PLCE1: variants seen among roughly 807,000 people sequenced by gnomAD.
The protein encoded by PLCE1 is phospholipase C epsilon 1, also known as 1-phosphatidylinositol 4,5-bisphosphate phosphodiesterase epsilon-1.
In PLCE1, 119 loss-of-function variants were observed where a neutral mutation model predicts 242.8. The observed-to-expected ratio is 0.49, with a 90% CI of 0.42 to 0.57. The LOEUF (loss-of-function observed/expected upper bound fraction) is 0.57. PLCE1 is among the 20% of genes least tolerant of loss of function. The pLI is 0.00. For missense variants in PLCE1, 2,441 were observed against 2,788.8 expected (o/e 0.88, Z 2.81); for synonymous variants, 945 against 1,017.4 (o/e 0.93, Z 1.35).
intron 3 of PLCE1, among the ~76,000 whole-genome samples, chr10:94,159,464 CTCTT>C (rs1325154579): frequency 6.6e-6 from 1 of 152,060 alleles, no homozygotes; most frequent in Admixed American, 6.5e-5. Flanking sequence ...CTCTCTCTCT[CTCTT>C]ATTTTATATA....
chr10:94,141,763 C>G (rs2136018367), intron 3 of PLCE1, among the ~76,000 whole-genome samples: 1 of 152,014 alleles, frequency 6.6e-6, no homozygotes, highest in South Asian at 2.1e-4. Flanking sequence ...TGGTTAAATC[C>G]TAATCAATGC....
At chr10:94,280,181 A>G in intron 20 of PLCE1, 1 of 492,158 alleles carries the variant, frequency 2.0e-6, no homozygotes. Flanking sequence ...GAATTGCAGC[A>G]GAGAAACCCT....
chr10:94,140,218 C>A (rs1032169699), intron 3 of PLCE1, among the ~76,000 whole-genome samples: 1 of 151,870 alleles, frequency 6.6e-6, no homozygotes, highest in African/African-American at 2.4e-5. Context: ...AACAAAAATA[C>A]CTTACAGATA....
intron 3 of PLCE1, among the ~76,000 whole-genome samples, chr10:94,162,893 C>T (rs1325621435): frequency 6.6e-6 from 1 of 152,160 alleles, no homozygotes; most frequent in Non-Finnish European, 1.5e-5. Context: ...ATCTTTATTT[C>T]TGCCTTCATT....
chr10:94,156,278 G>A (rs986058588), intron 3 of PLCE1, among the ~76,000 whole-genome samples: 1 of 152,118 alleles, frequency 6.6e-6, no homozygotes, highest in African/African-American at 2.4e-5. Flanking sequence ...AGACACCACG[G>A]GTTAAGTAGG....
intron 3 of PLCE1, among the ~76,000 whole-genome samples, chr10:94,145,780 C>T (rs538067261): frequency 1.3e-5 from 2 of 152,152 alleles, no homozygotes; most frequent in African/African-American, 2.4e-5. Flanking sequence ...GAGATTCACA[C>T]AAGCTTTGGG....
chr10:94,296,388 C>A (rs2052817780), intron 23 of PLCE1, among the ~76,000 whole-genome samples: 1 of 147,604 alleles, frequency 6.8e-6, no homozygotes, highest in Non-Finnish European at 1.5e-5. Context: ...AAAAAAAATT[C>A]TGTTGTTTAA....
intron 4 of PLCE1, among the ~76,000 whole-genome samples, chr10:94,189,896 C>T (rs564527867): frequency 2.0e-5 from 3 of 152,302 alleles, no homozygotes; most frequent in African/African-American, 7.2e-5. Context: ...AATCCTAACC[C>T]TGTTACTTAT....
chr10:94,018,950 T>C (rs2061328371), intron 1 of PLCE1, among the ~76,000 whole-genome samples: 1 of 152,176 alleles, frequency 6.6e-6, no homozygotes, highest in African/African-American at 2.4e-5. Context: ...ATTATAGTGC[T>C]GAAGGGGTGA....
intron 8 of PLCE1, among the ~76,000 whole-genome samples, chr10:94,246,843 G>C (rs2050700541): frequency 6.6e-6 from 1 of 152,164 alleles, no homozygotes; most frequent in Admixed American, 6.5e-5. Flanking sequence ...TTGAGGCTGT[G>C]GCTCACGCCT....
chr10:94,252,997 T>A (rs904546360), intron 9 of PLCE1, among the ~76,000 whole-genome samples: 7 of 152,124 alleles, frequency 4.6e-5, no homozygotes, highest in Non-Finnish European at 7.3e-5. Context: ...AAGGAAGGGC[T>A]AGAAGAGAAC....
intron 2 of PLCE1, among the ~76,000 whole-genome samples, chr10:94,035,096 A>G (rs1203898501): frequency 6.6e-6 from 1 of 152,172 alleles, no homozygotes; most frequent in African/African-American, 2.4e-5. Context: ...GCTCAGCACT[A>G]GATGACTTGC....
At position 94,262,487 on chromosome 10, in the gene PLCE1, G is replaced by A. The variant is rs1230501773; in HGVS notation, c.3815-7G>A. 4 of 1,579,976 alleles carry A rather than the reference G, an allele frequency of 2.5e-6. No individual in the cohort carries two copies. The highest frequency in any genetic ancestry group is 3.5e-6 in the Non-Finnish European group (4 of 1,149,104). Reference sequence around the variant, plus strand: ...CTTGTCCATGTACTGTGGTGATTCTGTTTCAGATCTGTTGACCAGAAATGT... The same window carrying A: ...CTTGTCCATGTACTGTGGTGATTCTATTTCAGATCTGTTGACCAGAAATGT... On this transcript the variant is annotated splice_polypyrimidine_tract_variant and splice_region_variant and intron_variant, in intron 13 of 32. Coordinates refer to ENST00000371380, the MANE Select transcript of PLCE1 (RefSeq NM_016341.4).
At chr10:94,185,646 GA>G (rs2048454428) in intron 4 of PLCE1, among the ~76,000 whole-genome samples, 1 of 152,196 alleles carries the variant, frequency 6.6e-6, no homozygotes, top group Non-Finnish European at 1.5e-5. Context: ...TGGTTATGGG[GA>G]CACTTAAACA....
intron 18 of PLCE1, among the ~76,000 whole-genome samples, chr10:94,271,245 T>C (rs113895148): frequency 0.021 from 3,233 of 151,500 alleles, 139 homozygotes; most frequent in African/African-American, 0.074. Flanking sequence ...CTGTCAGTTG[T>C]ATGTGGAAAA....
At chr10:94,088,775 T>A (rs1234349018) in intron 2 of PLCE1, among the ~76,000 whole-genome samples, 3 of 152,216 alleles carry the variant, frequency 2.0e-5, no homozygotes, top group Admixed American at 6.5e-5. Flanking sequence ...CCCTTTTTTT[T>A]AAACTTGACT....
chr10:94,283,526 A>G lies in PLCE1; in HGVS notation c.4796-264A>G, dbSNP rs1049915245. The G allele has an allele frequency of 2.7e-5, 10 of 365,570 alleles. No individual in the cohort carries two copies. The East Asian group carries it at 6.1e-4, about 22-fold the overall frequency. 22.6% of individuals were successfully genotyped at this position (365,570 alleles called of 1,614,324 possible). On this transcript the variant is annotated intron_variant, in intron 20 of 32. Transcript: ENST00000371380. Reference sequence around the variant, plus strand: ...GCATCTTCATTTAGATTATGTCTATATGCCAGATTATTTTGAATCATTTAA... The same window carrying G: ...GCATCTTCATTTAGATTATGTCTATGTGCCAGATTATTTTGAATCATTTAA...
chr10:94,316,513 C>G, intron 28 of PLCE1, 34 bp from the exon 29 acceptor site: 1 of 1,421,180 alleles, frequency 7.0e-7, no homozygotes, highest in Non-Finnish European at 9.9e-7. Context: ...AAGTTTTTGC[C>G]TCACTCCTCA....
chr10:94,108,408 A>C (rs998739554), intron 2 of PLCE1: 1 of 152,224 alleles, frequency 6.6e-6, no homozygotes, highest in African/African-American at 2.4e-5. Context: ...GTCAGAAGAC[A>C]GTGGTTGAAG....
Sources: gnomAD v4.1 joint callset for allele counts (sites outside exome capture counted in the v4.1 genomes callset) on GRCh38, gnomAD v4.1.1 for gene constraint, MANE v1.5 for transcripts, NCBI Gene and HGNC (gene_info 2026-07-23, HGNC 2026-07-21) for gene names.